The following CELF5 variants were observed in gnomAD, a reference collection of about 807,000 sequenced individuals.
The protein encoded by CELF5 is CUG-BP and ETR-3 like factor 5.
A neutral mutation model predicts 54.9 loss-of-function variants in CELF5; 6 were observed. The observed-to-expected ratio is 0.11, with a 90% CI of 0.06 to 0.22. CELF5 has a LOEUF of 0.22. Ranked by LOEUF, CELF5 falls within the 10% of genes least tolerant of loss-of-function variation. The pLI, the probability that CELF5 is intolerant of heterozygous loss-of-function variation, is 1.00. For synonymous variants in CELF5, 271 were observed against 290.9 expected (o/e 0.93, Z 0.70); for missense variants, 401 against 678.6 (o/e 0.59, Z 4.54).
intron 2 of CELF5, among the ~76,000 whole-genome samples, chr19:3,253,876 T>C (rs999611120): frequency 6.6e-6 from 1 of 152,178 alleles, no homozygotes; most frequent in Non-Finnish European, 1.5e-5. Flanking sequence ...TTACCAACAC[T>C]TCTAAGGAGT....
chr19:3,270,102 C>T (rs373868), intron 2 of CELF5, among the ~76,000 whole-genome samples: 1 of 152,074 alleles, frequency 6.6e-6, no homozygotes, highest in Non-Finnish European at 1.5e-5. Flanking sequence ...CAGCCTTTGG[C>T]TCTTCACTCT....
At chr19:3,272,621 G>C (rs1258197624) in intron 2 of CELF5, among the ~76,000 whole-genome samples, 1 of 152,200 alleles carries the variant, frequency 6.6e-6, no homozygotes, top group Non-Finnish European at 1.5e-5. Flanking sequence ...CTGTTCAGCA[G>C]GTTTCTCCAA....
In CELF5 at chr19:3,228,383, G is replaced by C. The variant is rs1371304658; in HGVS notation, c.259+3385G>C. On this transcript the variant is annotated intron_variant, in intron 1 of 12. Transcript: ENST00000292672. The surrounding 1 kb of genome is among the most constrained non-coding windows in gnomAD (Gnocchi z 6.0). ...GATTGGGGCTCCCGCTGGCCCCCCT[G>C]CAGTTCCTGCCCCGGGGACCCTCCC... Among the ~76,000 whole-genome samples, 1 of 152,136 alleles carries C rather than the reference G, an allele frequency of 6.6e-6. No homozygotes were observed. The highest frequency in any genetic ancestry group is 1.5e-5 in the Non-Finnish European group (1 of 68,000).
intron 2 of CELF5, among the ~76,000 whole-genome samples, chr19:3,253,515 G>A (rs80050471): frequency 0.06 from 9,138 of 152,194 alleles, 839 homozygotes; most frequent in East Asian, 0.43. Flanking sequence ...CCCAGCACAC[G>A]TAACCAAAGA....
At chr19:3,296,701 G>C (rs1184542867) in intron 12 of CELF5, 57 bp from the exon 13 acceptor site, 1 of 152,208 alleles carries the variant, frequency 6.6e-6, no homozygotes, top group Non-Finnish European at 1.5e-5. Context: ...AGTTGTACGT[G>C]TCTTTCTGGT....
intron 9 of CELF5, among the ~76,000 whole-genome samples, chr19:3,285,210 C>A (rs1014075518): frequency 6.6e-6 from 1 of 152,086 alleles, no homozygotes; most frequent in Non-Finnish European, 1.5e-5. Flanking sequence ...AAGGACAGCG[C>A]TTACCCATGG....
rs2080028757 is a variant in CELF5 at position 3,275,270 on chromosome 19, A to G, written c.395-586A>G. 6.6e-6 allele frequency among the ~76,000 whole-genome samples: 1 copy of G among 152,204 alleles called. No individual in the cohort carries two copies. Among genetic ancestry groups the G allele is most frequent in the Non-Finnish European group, 1.5e-5 (1 of 68,034 alleles). ...CCCAGCCCCACCCAGCAGGGGGTCC[A>G]GCCTGCCAAGGCCCCTGGTCCACTG... On this transcript the variant is annotated intron_variant, in intron 3 of 12. Transcript: ENST00000292672. The surrounding 1 kb of genome is among the most constrained non-coding windows in gnomAD (Gnocchi z 6.7).
rs763840582 is a variant in CELF5, at chr19:3,285,974, G to A, written c.1135G>A (p.Ala379Thr). 2.5e-6 allele frequency: 4 copies of A among 1,586,690 alleles called. No homozygotes were observed. Among genetic ancestry groups the A allele is most frequent in the East Asian group, 4.8e-5 (2 of 42,100 alleles). The change falls in exon 10 of 13, where the codon GCG becomes ACG. Residue 379 changes from alanine to threonine, a missense_variant. Physicochemically the swap from Ala to Thr is moderately conservative, Grantham distance 58 (BLOSUM62 0). Transcript: ENST00000292672. ...MYPTAAITPI[A>T]HSVPQPPPLL... ...CCCCACCGCGGCCATCACGCCCATC[G>A]CGCACAGCGTCCCCCAGCCGCCGCC...
chr19:3,226,511 G>A (rs1278351448), intron 1 of CELF5, among the ~76,000 whole-genome samples: 1 of 145,836 alleles, frequency 6.9e-6, no homozygotes, highest in Non-Finnish European at 1.5e-5. Flanking sequence ...CCTCCATGTG[G>A]CCTAGGAGGG....
intron 1 of CELF5, among the ~76,000 whole-genome samples, chr19:3,232,985 A>G (rs1452498359): frequency 6.6e-6 from 1 of 152,004 alleles, no homozygotes; most frequent in East Asian, 1.9e-4. Flanking sequence ...GAGGCAAGAG[A>G]ATCGCTTGAA....
At chr19:3,272,741 C>A (rs2079987407) in intron 2 of CELF5, among the ~76,000 whole-genome samples, 1 of 152,102 alleles carries the variant, frequency 6.6e-6, no homozygotes, top group Non-Finnish European at 1.5e-5. Context: ...GGAAGGAGCC[C>A]AGAAGAGTGG....
Position 3,272,779 on chromosome 19 carries a change from G to T in CELF5, c.343-1093G>T, listed in dbSNP as rs574852807. ...AGAGTCCCTGCATGGGGGCTTTTAA[G>T]TTGGGTTTTGAAGGTTGAGTGGGAG... On this transcript the variant is annotated intron_variant, in intron 2 of 12. Transcript: ENST00000292672. Among the ~76,000 whole-genome samples the T allele has an allele frequency of 1.6e-4, 24 of 152,328 alleles. No individual in the cohort carries two copies. The East Asian group carries it at 3.9e-3, about 24-fold the overall frequency.
At chr19:3,235,980 T>C (rs867657548) in intron 1 of CELF5, among the ~76,000 whole-genome samples, 3 of 152,194 alleles carry the variant, frequency 2.0e-5, no homozygotes, top group South Asian at 4.1e-4. Flanking sequence ...GGAGTCAAGA[T>C]GCCTGGGCGA....
intron 1 of CELF5, among the ~76,000 whole-genome samples, chr19:3,235,711 T>G: frequency 6.8e-6 from 1 of 146,478 alleles, no homozygotes; most frequent in African/African-American, 2.5e-5. Flanking sequence ...GATGGATGGA[T>G]GGATGTGTGG....
In CELF5 at chr19:3,281,271, A is replaced by G. The variant is rs1176430443; in HGVS notation, c.676A>G (p.Met226Val). The G allele has an allele frequency of 6.2e-7, 1 of 1,611,714 alleles. No homozygotes were observed. Among genetic ancestry groups the G allele is most frequent in the African/African-American group, 1.3e-5 (1 of 74,938 alleles). The change falls in exon 6 of 13, where the codon ATG becomes GTG. Residue 226 changes from methionine (M) to valine (V), a missense_variant. Physicochemically the swap from Met to Val is conservative, Grantham distance 21 (BLOSUM62 1). This residue lies in a region of CELF5 where 87 missense variants were observed against 190.2 expected (regional missense o/e 0.46). Coordinates refer to ENST00000292672, the MANE Select transcript of CELF5 (RefSeq NM_021938.4). This position sits in a 1 kb window ranked among gnomAD's most constrained non-coding sequence, Gnocchi z 6.5. ...GCGGACGCTCCGGCGCATGCAGCAG[A>G]TGGTGGGCCAGCTGGGCATCCTGAC... ...KERTLRRMQQ[M>V]VGQLGILTPS...
In CELF5 at chr19:3,268,065, C is replaced by T. The variant is rs1220643784; in HGVS notation, c.343-5807C>T. Among the ~76,000 whole-genome samples, 7 of 152,148 alleles carry T rather than the reference C, an allele frequency of 4.6e-5. No homozygotes were observed. Among genetic ancestry groups the T allele is most frequent in the Non-Finnish European group, 1.0e-4 (7 of 68,034 alleles). On this transcript the variant is annotated intron_variant, in intron 2 of 12. Coordinates refer to ENST00000292672, the MANE Select transcript of CELF5 (RefSeq NM_021938.4). This position sits in a 1 kb window ranked among gnomAD's most constrained non-coding sequence, Gnocchi z 4.4. ...CCAGGCTGGAGTGCAGTGATTTGAT[C>T]TCAGCTCACTGCAACCTCGGCCTCC...
chr19:3,246,951 C>T (rs554814411), intron 1 of CELF5, among the ~76,000 whole-genome samples: 1 of 152,250 alleles, frequency 6.6e-6, no homozygotes, highest in Non-Finnish European at 1.5e-5. Context: ...GCTATGATTT[C>T]GTTTATATAA....
intron 2 of CELF5, among the ~76,000 whole-genome samples, chr19:3,256,064 C>CAGAAAA (rs372488135): frequency 8.6e-5 from 12 of 139,600 alleles, no homozygotes; most frequent in Non-Finnish European, 1.2e-4. Flanking sequence ...GACCCTGTCT[C>CAGAAAA]AAAAAAAAAG....
chr19:3,246,382 G>A (rs2079567130), intron 1 of CELF5, among the ~76,000 whole-genome samples: 1 of 129,870 alleles, frequency 7.7e-6, no homozygotes, highest in African/African-American at 2.9e-5. Context: ...TCTCTCTCTG[G>A]CTCTCTCTCT....
Sources: allele counts gnomAD v4.1 joint callset (sites outside exome capture counted in the v4.1 genomes callset), GRCh38; gene constraint gnomAD v4.1.1; regional missense constraint gnomAD v4.1.1; non-coding constraint Gnocchi (gnomAD v3.1); transcripts MANE v1.5; gene names NCBI Gene and HGNC (gene_info 2026-07-23, HGNC 2026-07-21).